NCAM2: variants seen among roughly 807,000 people sequenced by gnomAD.
NCAM2 encodes the protein N-CAM-2.
In NCAM2, 30 loss-of-function variants were observed where a neutral mutation model predicts 98.1. That is an observed-to-expected ratio of 0.31 (90% CI 0.23 to 0.41). The LOEUF (loss-of-function observed/expected upper bound fraction) is 0.41. Ranked by LOEUF, NCAM2 falls within the 10% of genes least tolerant of loss-of-function variation. The probability of loss-of-function intolerance (pLI) is 1.00; values close to 1 mark genes in which losing one functional copy is unlikely to be tolerated. For synonymous variants in NCAM2, 368 were observed against 342.4 expected, an observed-to-expected ratio of 1.07 and a Z score of -0.83; for missense variants, 867 against 1,005.8, an observed-to-expected ratio of 0.86 and a Z score of 1.87.
At chr21:21,488,511 T>C (rs1447393231) in intron 15 of NCAM2, among the ~76,000 whole-genome samples, 4 of 151,974 alleles carry the variant, frequency 2.6e-5, no homozygotes, top group South Asian at 2.1e-4. Context: ...ATATGGTATA[T>C]TTACCCTGAT....
At chr21:21,192,539 T>C (rs1222448081) in intron 1 of NCAM2, among the ~76,000 whole-genome samples, 1 of 152,076 alleles carries the variant, frequency 6.6e-6, no homozygotes, top group East Asian at 1.9e-4. Context: ...ATCAGAGAAT[T>C]AGAGGCAATA....
intron 1 of NCAM2, among the ~76,000 whole-genome samples, chr21:21,057,098 A>G (rs916085687): frequency 1.3e-5 from 2 of 152,126 alleles, no homozygotes; most frequent in African/African-American, 4.8e-5. Context: ...GTATTGAAAG[A>G]TTGAAAGAAA....
chr21:21,425,184 G>A (rs1335973726), intron 11 of NCAM2, among the ~76,000 whole-genome samples: 1 of 151,156 alleles, frequency 6.6e-6, no homozygotes, highest in Non-Finnish European at 1.5e-5. Flanking sequence ...TCTAGAGACA[G>A]ATTTCAACAT....
intron 1 of NCAM2, among the ~76,000 whole-genome samples, chr21:21,096,355 T>A (rs1404095790): frequency 6.6e-6 from 1 of 150,552 alleles, no homozygotes; most frequent in East Asian, 1.9e-4. Context: ...AGTAGTGGAT[T>A]GTTAAAGTGG....
chr21:21,092,074 G>A (rs1354749899), intron 1 of NCAM2, among the ~76,000 whole-genome samples: 1 of 152,050 alleles, frequency 6.6e-6, no homozygotes, highest in African/African-American at 2.4e-5. Context: ...ATATTTATTT[G>A]TGTATGGAAT....
At chr21:21,267,784 A>G (rs2072343277) in intron 1 of NCAM2, among the ~76,000 whole-genome samples, 1 of 152,200 alleles carries the variant, frequency 6.6e-6, no homozygotes, top group Non-Finnish European at 1.5e-5. Flanking sequence ...TAAATTCTTT[A>G]TACTATTTCT....
intron 8 of NCAM2, among the ~76,000 whole-genome samples, chr21:21,346,913 A>G (rs1249231474): frequency 6.6e-6 from 1 of 151,958 alleles, no homozygotes; most frequent in Non-Finnish European, 1.5e-5. Context: ...AGGAGCCTCC[A>G]TCAAAAAAAG....
chr21:21,260,490 A>T (rs2147342094), intron 1 of NCAM2, among the ~76,000 whole-genome samples: 1 of 152,162 alleles, frequency 6.6e-6, no homozygotes, highest in East Asian at 1.9e-4. Context: ...ATCTCATCAG[A>T]GTAACAGCGG....
chr21:21,021,207 T>TA (rs2064428941), intron 1 of NCAM2, among the ~76,000 whole-genome samples: 2 of 152,174 alleles, frequency 1.3e-5, no homozygotes, highest in East Asian at 3.8e-4. Flanking sequence ...AATTCTTTGT[T>TA]ATGGGCCATT....
chr21:21,052,461 T>G (rs1396566800), intron 1 of NCAM2, among the ~76,000 whole-genome samples: 1 of 152,124 alleles, frequency 6.6e-6, no homozygotes, highest in Non-Finnish European at 1.5e-5. Context: ...TTTCCAGGTA[T>G]TTTAGTCCAT....
chr21:21,380,822 A>AGGTGT (rs1282772929), intron 9 of NCAM2, among the ~76,000 whole-genome samples: 1 of 152,144 alleles, frequency 6.6e-6, no homozygotes, highest in Non-Finnish European at 1.5e-5. Context: ...CCGAAGGTAA[A>AGGTGT]GGTGTCAGTA....
intron 1 of NCAM2, among the ~76,000 whole-genome samples, chr21:21,129,736 A>G (rs1737625256): frequency 1.3e-5 from 2 of 152,150 alleles, no homozygotes; most frequent in East Asian, 1.9e-4. Flanking sequence ...AGGTTTCAAT[A>G]TATGAATTTT....
chr21:21,147,509 A>T (rs1216770988), intron 1 of NCAM2, among the ~76,000 whole-genome samples: 1 of 151,028 alleles, frequency 6.6e-6, no homozygotes, highest in Admixed American at 6.6e-5. Context: ...TACATACACT[A>T]ATATATATAT....
At chr21:21,008,916 A>G (rs2064156823) in intron 1 of NCAM2, among the ~76,000 whole-genome samples, 1 of 152,174 alleles carries the variant, frequency 6.6e-6, no homozygotes, top group South Asian at 2.1e-4. Flanking sequence ...GTTAATTTGT[A>G]TCAGTCATTG....
chr21:21,315,100 T>C (rs2074179324), intron 5 of NCAM2, among the ~76,000 whole-genome samples: 1 of 152,168 alleles, frequency 6.6e-6, no homozygotes, highest in South Asian at 2.1e-4. Context: ...AATCAGTTTG[T>C]TTAGATCAGA....
chr21:21,312,168 A>C (rs549025157), intron 5 of NCAM2, among the ~76,000 whole-genome samples: 1 of 152,184 alleles, frequency 6.6e-6, no homozygotes, highest in African/African-American at 2.4e-5. Context: ...ATGATAAGGA[A>C]GTCTTCCTTT....
intron 14 of NCAM2, among the ~76,000 whole-genome samples, chr21:21,473,148 T>C (rs1001636814): frequency 6.6e-6 from 1 of 151,360 alleles, no homozygotes; most frequent in Admixed American, 6.6e-5. Context: ...TATTCTGATA[T>C]GGAGACTTTT....
At chr21:21,512,965 A>T (rs932813373) in intron 16 of NCAM2, among the ~76,000 whole-genome samples, 4 of 152,018 alleles carry the variant, frequency 2.6e-5, no homozygotes, top group African/African-American at 9.7e-5. Flanking sequence ...TATATTTGTT[A>T]GTTCTAATAG....
At chr21:21,388,489 T>C (rs959320433) in intron 9 of NCAM2, among the ~76,000 whole-genome samples, 5 of 152,070 alleles carry the variant, frequency 3.3e-5, no homozygotes, top group Non-Finnish European at 7.4e-5. Flanking sequence ...TGAAGCTGAA[T>C]AAGCAAGGGT....
Sources: gnomAD v4.1 joint callset for allele counts (sites outside exome capture counted in the v4.1 genomes callset) on GRCh38, gnomAD v4.1.1 for gene constraint, MANE v1.5 for transcripts, NCBI Gene and HGNC (gene_info 2026-07-23, HGNC 2026-07-21) for gene names.